FTO: variants seen among roughly 807,000 people sequenced by gnomAD.
FTO encodes alpha-ketoglutarate-dependent dioxygenase FTO.
Under a neutral mutation model 63.9 loss-of-function variants are expected in FTO, and 47 were observed. The observed-to-expected ratio is 0.74, with a 90% CI of 0.58 to 0.94. The LOEUF is 0.94. Among genes scored for constraint, FTO ranks in the 40% least tolerant of loss-of-function variants. The pLI is 0.00. For synonymous variants in FTO, 207 were observed against 224.4 expected, an observed-to-expected ratio of 0.92 and a Z score of 0.69; for missense variants, 562 against 618.1, an observed-to-expected ratio of 0.91 and a Z score of 0.96.
At chr16:54,073,970 C>G (rs572085898) in intron 8 of FTO, among the ~76,000 whole-genome samples, 1 of 152,170 alleles carries the variant, frequency 6.6e-6, no homozygotes, top group South Asian at 2.1e-4. Context: ...CTTGATTTCC[C>G]TTGGCACTAA....
At chr16:54,053,720 C>T (rs1225116256) in intron 8 of FTO, among the ~76,000 whole-genome samples, 5 of 152,188 alleles carry the variant, frequency 3.3e-5, no homozygotes, top group African/African-American at 1.2e-4. Flanking sequence ...ATTTGTCAAG[C>T]CCAGTGTTCA....
At chr16:53,717,903 TA>T (rs368622244) in intron 1 of FTO, among the ~76,000 whole-genome samples, 42 of 152,276 alleles carry the variant, frequency 2.8e-4, no homozygotes, top group African/African-American at 9.9e-4. Flanking sequence ...CATCGATTTA[TA>T]ATATCTTTCT....
At chr16:53,957,209 T>C (rs2082951424) in intron 8 of FTO, among the ~76,000 whole-genome samples, 1 of 152,196 alleles carries the variant, frequency 6.6e-6, no homozygotes, top group African/African-American at 2.4e-5. Context: ...TTGTTGCTAA[T>C]GACAGGTGAT....
At chr16:53,823,954 T>A (rs2078935747) in intron 2 of FTO, among the ~76,000 whole-genome samples, 1 of 152,146 alleles carries the variant, frequency 6.6e-6, no homozygotes, top group Admixed American at 6.5e-5. Flanking sequence ...CATAAGCACA[T>A]CCTTTAGTTC....
chr16:53,832,753 A>G (rs934907065), intron 3 of FTO, among the ~76,000 whole-genome samples: 3 of 152,164 alleles, frequency 2.0e-5, no homozygotes, highest in Non-Finnish European at 2.9e-5. Flanking sequence ...CATAAAATTA[A>G]TCATTATAAC....
intron 3 of FTO, among the ~76,000 whole-genome samples, chr16:53,834,823 A>G (rs1205237763): frequency 6.6e-6 from 1 of 152,150 alleles, no homozygotes; most frequent in Non-Finnish European, 1.5e-5. Flanking sequence ...TGTTTTGAAC[A>G]TTATATATTG....
chr16:53,934,004 A>T lies in FTO; in HGVS notation c.1259A>T (p.Glu420Val). 1 of 1,613,848 alleles carries T rather than the reference A, an allele frequency of 6.2e-7. No individual in the cohort carries two copies. Among genetic ancestry groups the T allele is most frequent in the South Asian group, 1.1e-5 (1 of 91,062 alleles). ...MEGVTNAVLH[E>V]VKREGLPVEQ... is the part of the protein sequence containing the mutation. ...TTGTAGACAAATGCTGTGCTTCATG[A>T]AGTTAAAAGAGAGGGGCTCCCCGTG... The change falls in exon 8 of 9, where the codon GAA becomes GTA. Residue 420 changes from glutamate to valine, a missense_variant. By Grantham distance (121) the Glu-to-Val change is moderately radical. Coordinates refer to ENST00000471389, the MANE Select transcript of FTO (RefSeq NM_001080432.3).
intron 8 of FTO, among the ~76,000 whole-genome samples, chr16:54,089,848 A>G (rs2086338488): frequency 6.6e-6 from 1 of 150,748 alleles, no homozygotes; most frequent in South Asian, 2.1e-4. Context: ...CTTCACACCT[A>G]CTGGGATGGC....
chr16:53,830,832 G>T (rs559581201), intron 3 of FTO, among the ~76,000 whole-genome samples: 1 of 148,232 alleles, frequency 6.7e-6, no homozygotes, highest in Non-Finnish European at 1.5e-5. Flanking sequence ...GGAGGCAGAG[G>T]TTGCAGTGAG....
intron 6 of FTO, among the ~76,000 whole-genome samples, chr16:53,886,609 T>C (rs2081003534): frequency 6.6e-6 from 1 of 152,252 alleles, no homozygotes; most frequent in Non-Finnish European, 1.5e-5. Context: ...TTTAATATTG[T>C]CTACATTCCT....
rs549962277 is a variant in FTO at position 53,837,362 on chromosome 16, T to A, written c.752-6793T>A. Among the ~76,000 whole-genome samples the A allele has an allele frequency of 3.9e-5, 6 of 152,362 alleles. No homozygotes were observed. In the East Asian group the frequency reaches 1.2e-3, roughly 29 times the overall value. ...CTTTAGATTTTTCTGTAAAGAGTTT[T>A]CAATATTTCACCTGAAATCCTAGAA... On this transcript the variant is annotated intron_variant, in intron 3 of 8. Coordinates refer to ENST00000471389, the MANE Select transcript of FTO (RefSeq NM_001080432.3).
chr16:53,995,788 G>A (rs1272613846), intron 8 of FTO, among the ~76,000 whole-genome samples: 5 of 152,178 alleles, frequency 3.3e-5, no homozygotes, highest in South Asian at 4.1e-4. Flanking sequence ...GCCAGCCTGA[G>A]ATGGTAAATC....
intron 4 of FTO, among the ~76,000 whole-genome samples, chr16:53,846,612 C>A (rs2079626788): frequency 6.6e-6 from 1 of 151,838 alleles, no homozygotes; most frequent in African/African-American, 2.4e-5. Flanking sequence ...ACCAGCCTGG[C>A]CAACTTGATG....
intron 3 of FTO, among the ~76,000 whole-genome samples, chr16:53,830,059 A>G (rs1467491761): frequency 6.6e-6 from 1 of 152,200 alleles, no homozygotes; most frequent in Non-Finnish European, 1.5e-5. Context: ...TGCTCTCAAT[A>G]CCTTTTCCCA....
At chr16:53,790,038 AT>A (rs750240288) in intron 1 of FTO, among the ~76,000 whole-genome samples, 10 of 149,660 alleles carry the variant, frequency 6.7e-5, no homozygotes, top group Admixed American at 1.3e-4. Flanking sequence ...AATATTTTGT[AT>A]TTTGTATATA....
chr16:53,898,481 C>T (rs1413038020), intron 7 of FTO, among the ~76,000 whole-genome samples: 1 of 152,118 alleles, frequency 6.6e-6, no homozygotes, highest in Non-Finnish European at 1.5e-5. Context: ...CCTATATATC[C>T]ATTTGTTGTC....
At chr16:53,705,037 C>T (rs1598450883) in intron 1 of FTO, among the ~76,000 whole-genome samples, 1 of 150,722 alleles carries the variant, frequency 6.6e-6, no homozygotes, top group African/African-American at 2.4e-5. Flanking sequence ...TTTTCATCTC[C>T]ACTACCTTGG....
chr16:53,862,116 C>T (rs905802368), intron 4 of FTO, among the ~76,000 whole-genome samples: 6 of 152,108 alleles, frequency 3.9e-5, no homozygotes, highest in Non-Finnish European at 7.4e-5. Context: ...GGTGTGATGG[C>T]ACATGCCTGT....
intron 2 of FTO, among the ~76,000 whole-genome samples, chr16:53,817,074 T>C (rs2078713478): frequency 1.3e-5 from 2 of 152,264 alleles, no homozygotes; most frequent in South Asian, 4.1e-4. Flanking sequence ...TATGAGATGC[T>C]GTCAAATAGG....
Sources: gnomAD v4.1 joint callset for allele counts (sites outside exome capture counted in the v4.1 genomes callset) on GRCh38, gnomAD v4.1.1 for gene constraint, MANE v1.5 for transcripts, NCBI Gene and HGNC (gene_info 2026-07-23, HGNC 2026-07-21) for gene names.